Variants in ADGRL3 observed in about 807,000 individuals in gnomAD.
ADGRL3 encodes adhesion G protein-coupled receptor L3, also known as calcium-independent alpha-latrotoxin receptor 3.
A neutral mutation model predicts 153.5 loss-of-function variants in ADGRL3; 62 were observed. That is an observed-to-expected ratio of 0.40 (90% CI 0.33 to 0.50). ADGRL3 has a LOEUF of 0.50. ADGRL3 is among the 20% of genes least tolerant of loss of function. The probability of loss-of-function intolerance (pLI) is 0.47; values close to 1 mark genes in which losing one functional copy is unlikely to be tolerated. For missense variants in ADGRL3, 1,641 were observed against 1,859.4 expected (o/e 0.88, Z 2.16); for synonymous variants, 710 against 672.5 (o/e 1.06, Z -0.86).
chr4:61,398,637 C>T (rs554820821), intron 2 of ADGRL3, among the ~76,000 whole-genome samples: 27 of 151,614 alleles, frequency 1.8e-4, no homozygotes, highest in Non-Finnish European at 3.5e-4. Flanking sequence ...CTTTTGGCTT[C>T]TTCTGTTTTT....
chr4:61,362,128 G>A (rs1578432481), intron 1 of ADGRL3, among the ~76,000 whole-genome samples: 1 of 150,756 alleles, frequency 6.6e-6, no homozygotes, highest in East Asian at 2.0e-4. Context: ...TCAGCCTCCC[G>A]AGTAGCTGGG....
intron 1 of ADGRL3, among the ~76,000 whole-genome samples, chr4:61,296,758 T>C (rs1034791286): frequency 6.6e-6 from 1 of 152,172 alleles, no homozygotes; most frequent in African/African-American, 2.4e-5. Context: ...TGTACCTTTA[T>C]TTCTGAAAAT....
chr4:61,802,242 A>G (rs1052704026), intron 8 of ADGRL3, among the ~76,000 whole-genome samples: 1 of 151,906 alleles, frequency 6.6e-6, no homozygotes, highest in African/African-American at 2.4e-5. Flanking sequence ...GCACTTTTGC[A>G]CACACAATAT....
rs149472429 is a variant in ADGRL3, at chr4:61,726,210, G to GTTTTTTTTTGTTTTTTTTTTTTT, written c.584-4406_584-4405insTTTGTTTTTTTTTTTTTTTTTTT. Among the ~76,000 whole-genome samples the GTTTTTTTTTGTTTTTTTTTTTTT allele has an allele frequency of 7.6e-5, 9 of 118,528 alleles. 1 individual carries two copies. The highest frequency in any genetic ancestry group is 1.0e-4 in the Non-Finnish European group (6 of 58,140). 77.8% of individuals were successfully genotyped at this position (118,528 alleles called of 152,430 possible). ...AATACTCACTGGAACTTTTTTTTTTGTTTTTTGAGAAGGAGTCTCACCCTG... is the reference window on the plus strand; with the variant it reads ...AATACTCACTGGAACTTTTTTTTTTGTTTTTTTTTGTTTTTTTTTTTTTTTTTTTGAGAAGGAGTCTCACCCTG... On this transcript the variant is annotated intron_variant, in intron 6 of 26. Transcript: ENST00000683033.
At chr4:61,448,742 A>G (rs2097624158) in intron 2 of ADGRL3, among the ~76,000 whole-genome samples, 2 of 143,336 alleles carry the variant, frequency 1.4e-5, no homozygotes, top group Non-Finnish European at 3.1e-5. Context: ...GAAGGAAGGA[A>G]GGGGGAGAGA....
chr4:61,439,230 G>T (rs1227642231), intron 2 of ADGRL3, among the ~76,000 whole-genome samples: 1 of 152,106 alleles, frequency 6.6e-6, no homozygotes, highest in Admixed American at 6.5e-5. Context: ...ACTGTTCTCT[G>T]TGAATCTATC....
intron 4 of ADGRL3, among the ~76,000 whole-genome samples, chr4:61,586,636 A>G (rs1457008490): frequency 6.6e-6 from 1 of 152,020 alleles, no homozygotes; most frequent in East Asian, 1.9e-4. Flanking sequence ...ACCTGTTGAC[A>G]GTGGGGAAGA....
At chr4:61,652,302 T>G (rs2094288762) in intron 5 of ADGRL3, among the ~76,000 whole-genome samples, 1 of 152,212 alleles carries the variant, frequency 6.6e-6, no homozygotes, top group South Asian at 2.1e-4. Context: ...TATAGAATTT[T>G]AGCATTACTT....
chr4:61,412,942 T>A (rs1007004190), intron 2 of ADGRL3, among the ~76,000 whole-genome samples: 1 of 152,210 alleles, frequency 6.6e-6, no homozygotes, highest in African/African-American at 2.4e-5. Context: ...GTTTTTTCAT[T>A]AAGTTTGACA....
chr4:61,745,140 T>C (rs892688179), intron 8 of ADGRL3, among the ~76,000 whole-genome samples: 8 of 151,928 alleles, frequency 5.3e-5, no homozygotes, highest in African/African-American at 1.9e-4. Flanking sequence ...ATGAATGAAC[T>C]GAAGCGAGAA....
intron 9 of ADGRL3, among the ~76,000 whole-genome samples, chr4:61,853,911 T>C (rs889459757): frequency 6.6e-6 from 1 of 152,236 alleles, no homozygotes; most frequent in African/African-American, 2.4e-5. Context: ...CTCTTCTCTA[T>C]AGCCTGAACT....
At chr4:61,218,810 A>T (rs1321620247) in intron 1 of ADGRL3, among the ~76,000 whole-genome samples, 1 of 152,208 alleles carries the variant, frequency 6.6e-6, no homozygotes, top group East Asian at 1.9e-4. Flanking sequence ...GAACATAAGG[A>T]TTGAGAGAAA....
At chr4:61,852,000 T>C (rs926993546) in intron 9 of ADGRL3, among the ~76,000 whole-genome samples, 1 of 152,188 alleles carries the variant, frequency 6.6e-6, no homozygotes, top group African/African-American at 2.4e-5. Context: ...GGTAAATGTA[T>C]GGTTAGTGTC....
At chr4:61,344,387 T>C (rs1375754073) in intron 1 of ADGRL3, among the ~76,000 whole-genome samples, 1 of 152,170 alleles carries the variant, frequency 6.6e-6, no homozygotes, top group Admixed American at 6.5e-5. Flanking sequence ...ATTGTAAAGT[T>C]CAAAGGAAAT....
At chr4:61,932,795 T>G (rs2150120190) in intron 13 of ADGRL3, among the ~76,000 whole-genome samples, 1 of 152,278 alleles carries the variant, frequency 6.6e-6, no homozygotes, top group Admixed American at 6.5e-5. Context: ...CCAGTGAAGC[T>G]ATCTGATCCT....
chr4:61,679,433 C>T (rs1253371147), intron 6 of ADGRL3, among the ~76,000 whole-genome samples: 1 of 152,068 alleles, frequency 6.6e-6, no homozygotes, highest in Non-Finnish European at 1.5e-5. Context: ...AGGTCCTTTT[C>T]CTGGATCTCA....
chr4:61,326,495 G>A (rs2095468257), intron 1 of ADGRL3, among the ~76,000 whole-genome samples: 1 of 151,346 alleles, frequency 6.6e-6, no homozygotes, highest in South Asian at 2.1e-4. Flanking sequence ...CGTTTAGTGT[G>A]AAAAAATCCA....
At chr4:61,609,374 A>C (rs2099044565) in intron 5 of ADGRL3, among the ~76,000 whole-genome samples, 1 of 152,092 alleles carries the variant, frequency 6.6e-6, no homozygotes, top group Non-Finnish European at 1.5e-5. Context: ...ACTATTTTGG[A>C]CTACACCCTA....
intron 5 of ADGRL3, among the ~76,000 whole-genome samples, chr4:61,641,334 G>A (rs2093658507): frequency 6.6e-6 from 1 of 150,618 alleles, no homozygotes; most frequent in Non-Finnish European, 1.5e-5. Flanking sequence ...TGGGGTAAAT[G>A]TGCAGGTTAG....
Sources: gnomAD v4.1 joint callset for allele counts (sites outside exome capture counted in the v4.1 genomes callset) on GRCh38, gnomAD v4.1.1 for gene constraint, MANE v1.5 for transcripts, NCBI Gene and HGNC (gene_info 2026-07-23, HGNC 2026-07-21) for gene names.